Variants in PAPSS1 observed in about 807,000 individuals in gnomAD.
PAPSS1 encodes 3'-phosphoadenosine 5'-phosphosulfate synthase 1, also known as bifunctional 3'-phosphoadenosine 5'-phosphosulfate synthase 1.
PAPSS1 carries 50 observed loss-of-function variants against 72.0 expected under a neutral mutation model. The ratio of observed to expected loss-of-function variants is 0.69; its 90% CI spans 0.55 to 0.88. The LOEUF (loss-of-function observed/expected upper bound fraction) is 0.88. PAPSS1 is among the 40% of genes least tolerant of loss of function. The pLI is 0.00. For missense variants in PAPSS1, 657 were observed against 782.2 expected, an observed-to-expected ratio of 0.84 and a Z score of 1.91; for synonymous variants, 261 against 263.6, an observed-to-expected ratio of 0.99 and a Z score of 0.09.
intron 1 of PAPSS1, among the ~76,000 whole-genome samples, chr4:107,705,601 A>C (rs886911098): frequency 2.0e-5 from 3 of 152,244 alleles, no homozygotes; most frequent in Admixed American, 2.0e-4. Context: ...GACTGGCATT[A>C]ATCTTTCTTT....
intron 1 of PAPSS1, among the ~76,000 whole-genome samples, chr4:107,701,703 G>C (rs901276006): frequency 3.3e-5 from 5 of 152,130 alleles, no homozygotes; most frequent in Non-Finnish European, 7.4e-5. Context: ...CCCTCAATTA[G>C]CTTACATCCC....
chr4:107,693,537 T>C (rs1377990507), intron 3 of PAPSS1, among the ~76,000 whole-genome samples: 2 of 152,356 alleles, frequency 1.3e-5, no homozygotes, highest in Non-Finnish European at 2.9e-5. Context: ...GACTGTGTTA[T>C]ACTTCACGGC....
At chr4:107,710,254 C>A (rs1376964152) in intron 1 of PAPSS1, among the ~76,000 whole-genome samples, 2 of 152,036 alleles carry the variant, frequency 1.3e-5, no homozygotes, top group Non-Finnish European at 2.9e-5. Flanking sequence ...AGTTTCCATA[C>A]ACAGGAGAGA....
chr4:107,643,587 T>C (rs570236867), intron 10 of PAPSS1, among the ~76,000 whole-genome samples: 1 of 152,262 alleles, frequency 6.6e-6, no homozygotes, highest in East Asian at 1.9e-4. Context: ...TCTCAGAGTC[T>C]GCTCTCAGGG....
At chr4:107,634,636 T>C (rs934452198) in intron 10 of PAPSS1, among the ~76,000 whole-genome samples, 5 of 152,108 alleles carry the variant, frequency 3.3e-5, no homozygotes, top group African/African-American at 1.2e-4. Flanking sequence ...TTTTACCTAA[T>C]TTGGTTCATA....
intron 10 of PAPSS1, among the ~76,000 whole-genome samples, chr4:107,635,971 T>C (rs1726369103): frequency 6.6e-6 from 1 of 152,214 alleles, no homozygotes. Flanking sequence ...CTTTCAAGCT[T>C]CCAGTATTTC....
chr4:107,624,540 T>C (rs1726045713), intron 11 of PAPSS1, among the ~76,000 whole-genome samples: 1 of 152,194 alleles, frequency 6.6e-6, no homozygotes, highest in Non-Finnish European at 1.5e-5. Context: ...AAAGTCAAAG[T>C]TTTGTACTAA....
chr4:107,616,621 T>C (rs923088599), intron 11 of PAPSS1, among the ~76,000 whole-genome samples: 27 of 152,278 alleles, frequency 1.8e-4, no homozygotes, highest in South Asian at 1.0e-3. Flanking sequence ...AGTGACTTTA[T>C]ACTGTGGCAA....
intron 1 of PAPSS1, among the ~76,000 whole-genome samples, chr4:107,706,746 T>C (rs180893328): frequency 5.2e-4 from 79 of 152,348 alleles, no homozygotes; most frequent in African/African-American, 1.7e-3. Context: ...TTCCAGTCTT[T>C]GTAGACTGGC....
At chr4:107,703,384 G>A (rs1448387993) in intron 1 of PAPSS1, among the ~76,000 whole-genome samples, 1 of 144,782 alleles carries the variant, frequency 6.9e-6, no homozygotes, top group Non-Finnish European at 1.5e-5. Context: ...CTATTTTCAT[G>A]TTTGTTGCTT....
At chr4:107,718,195 A>G (rs1265571093) in intron 1 of PAPSS1, 1 of 152,214 alleles carries the variant, frequency 6.6e-6, no homozygotes, top group Non-Finnish European at 1.5e-5. Flanking sequence ...GGAAGAGATG[A>G]CGGGTGTTCC....
Position 107,644,975 on chromosome 4 carries a change from G to A in PAPSS1, c.1333C>T (p.Arg445Trp), listed in dbSNP as rs199838116. 8.6e-4 allele frequency: 1,380 copies of A among 1,613,468 alleles called. No individual in the cohort carries two copies. Among genetic ancestry groups the A allele is most frequent in the Non-Finnish European group, 1.0e-3 (1,224 of 1,179,628 alleles). ...THKQLLERGYRRPVLLLHPLG... is the reference protein window; with the variant it reads ...THKQLLERGYWRPVLLLHPLG... The stretch of plus-strand genomic sequence containing the variant: ...GGGTGGAGGAGGAGGACAGGGCGCC[G>A]GTAGCCCCTCTCTAGAAGTTGCTTA... Residue 445 changes from arginine to tryptophan, a missense_variant, in exon 10 of 12, where the codon CGG becomes TGG. Coordinates refer to ENST00000265174, the MANE Select transcript of PAPSS1 (RefSeq NM_005443.5).
chr4:107,685,399 T>A (rs1722756482), intron 4 of PAPSS1, among the ~76,000 whole-genome samples: 1 of 152,126 alleles, frequency 6.6e-6, no homozygotes, highest in Non-Finnish European at 1.5e-5. Flanking sequence ...AACAACAAAA[T>A]CAACTAAAAT....
At chr4:107,615,354 G>A (rs184675247) in intron 11 of PAPSS1, among the ~76,000 whole-genome samples, 2 of 152,228 alleles carry the variant, frequency 1.3e-5, no homozygotes, top group East Asian at 3.9e-4. Flanking sequence ...ACCAGATCAC[G>A]AGCCTGTTTA....
intron 1 of PAPSS1, 179 bp downstream of exon 1, chr4:107,719,941 C>T: frequency 7.2e-7 from 1 of 1,383,408 alleles, no homozygotes; most frequent in South Asian, 1.6e-5. Flanking sequence ...CCCTGCGCCG[C>T]GCCCCTCTGC....
At chr4:107,627,727 CT>C (rs1168727953) in intron 11 of PAPSS1, among the ~76,000 whole-genome samples, 1 of 151,976 alleles carries the variant, frequency 6.6e-6, no homozygotes, top group Non-Finnish European at 1.5e-5. Flanking sequence ...TCTTTTTATT[CT>C]TTTTTTCTTA....
chr4:107,693,549 T>C (rs1240325660), intron 3 of PAPSS1, among the ~76,000 whole-genome samples: 1 of 152,210 alleles, frequency 6.6e-6, no homozygotes, highest in African/African-American at 2.4e-5. Flanking sequence ...CTTCACGGCT[T>C]TTTTAAAAGC....
intron 4 of PAPSS1, 96 bp from the exon 5 acceptor site, chr4:107,682,229 T>C (rs1055536395): frequency 3.4e-6 from 2 of 584,366 alleles, no homozygotes; most frequent in Non-Finnish European, 6.0e-6. Context: ...AGTTAGTATC[T>C]GCGCTGTCCC....
chr4:107,720,054 GCTC>G, intron 1 of PAPSS1, 63 bp downstream of exon 1: 1 of 1,546,656 alleles, frequency 6.5e-7, no homozygotes. Context: ...AGAGGCGGCG[GCTC>G]CGGAACGAGC....
Sources: allele counts gnomAD v4.1 joint callset (sites outside exome capture counted in the v4.1 genomes callset), GRCh38; gene constraint gnomAD v4.1.1; transcripts MANE v1.5; gene names NCBI Gene and HGNC (gene_info 2026-07-23, HGNC 2026-07-21).